The following CTNNA3 variants were observed in gnomAD, a reference collection of about 807,000 sequenced individuals.
CTNNA3 encodes catenin alpha 3.
Under a neutral mutation model 95.7 loss-of-function variants are expected in CTNNA3, and 76 were observed. That is an observed-to-expected ratio of 0.79 (90% confidence interval 0.66 to 0.96). CTNNA3 has a LOEUF of 0.96. Among genes scored for constraint, CTNNA3 ranks in the 40% least tolerant of loss-of-function variants. CTNNA3 has a pLI of 0.00. For missense variants in CTNNA3, 1,191 were observed against 1,089.8 expected (o/e 1.09, Z -1.31); for synonymous variants, 431 against 374.4 (o/e 1.15, Z -1.74).
At chr10:66,793,123 G>T (rs1288765274) in intron 7 of CTNNA3, among the ~76,000 whole-genome samples, 2 of 151,946 alleles carry the variant, frequency 1.3e-5, no homozygotes, top group Non-Finnish European at 2.9e-5. Context: ...GAGGTTTTGG[G>T]GGGAGTAGGT....
intron 7 of CTNNA3, among the ~76,000 whole-genome samples, chr10:66,943,210 AAG>A (rs1848105524): frequency 6.6e-6 from 1 of 152,234 alleles, no homozygotes; most frequent in Non-Finnish European, 1.5e-5. Context: ...GAAAAGCTAG[AAG>A]AGTTTCTAAA....
intron 9 of CTNNA3, among the ~76,000 whole-genome samples, chr10:66,633,964 T>G (rs2132353764): frequency 6.6e-6 from 1 of 152,238 alleles, no homozygotes. Flanking sequence ...CAATGACAAG[T>G]AAAACAGCAT....
chr10:67,133,579 A>C (rs1362896643), intron 7 of CTNNA3, among the ~76,000 whole-genome samples: 1 of 151,760 alleles, frequency 6.6e-6, no homozygotes, highest in Non-Finnish European at 1.5e-5. Flanking sequence ...CATAGAGAAA[A>C]AATGTAGTTA....
At chr10:67,146,003 G>A (rs949854576) in intron 7 of CTNNA3, among the ~76,000 whole-genome samples, 2 of 152,026 alleles carry the variant, frequency 1.3e-5, no homozygotes, top group African/African-American at 4.8e-5. Context: ...ATTGTTGTCA[G>A]GTGTTCCAAG....
intron 5 of CTNNA3, among the ~76,000 whole-genome samples, chr10:67,502,538 GA>G (rs1839266972): frequency 6.6e-6 from 1 of 152,202 alleles, no homozygotes; most frequent in Non-Finnish European, 1.5e-5. Context: ...CTGGCAGATG[GA>G]ATGTTTCAGT....
chr10:66,586,625 T>C (rs1375419188), intron 10 of CTNNA3, among the ~76,000 whole-genome samples: 2 of 152,076 alleles, frequency 1.3e-5, no homozygotes, highest in African/African-American at 4.8e-5. Flanking sequence ...AGAAAGTCTG[T>C]CTACAGATGC....
At chr10:67,010,284 T>G in intron 7 of CTNNA3, among the ~76,000 whole-genome samples, 1 of 152,234 alleles carries the variant, frequency 6.6e-6, no homozygotes. Context: ...ATATACCTCC[T>G]TCCCACATTA....
At chr10:66,577,481 C>A (rs1329582007) in intron 10 of CTNNA3, among the ~76,000 whole-genome samples, 5 of 151,860 alleles carry the variant, frequency 3.3e-5, no homozygotes, top group African/African-American at 7.3e-5. Context: ...AGTTTTTAAC[C>A]CATCTTGAGT....
intron 17 of CTNNA3, among the ~76,000 whole-genome samples, chr10:65,942,651 G>A (rs1056253901): frequency 1.3e-5 from 2 of 152,148 alleles, no homozygotes; most frequent in African/African-American, 4.8e-5. Flanking sequence ...GGAGAAGTGA[G>A]AAATGGGCTT....
At chr10:66,020,874 C>T (rs1011687797) in intron 15 of CTNNA3, among the ~76,000 whole-genome samples, 7 of 152,042 alleles carry the variant, frequency 4.6e-5, no homozygotes, top group East Asian at 3.9e-4. Context: ...GGGGTTTCAC[C>T]GTGTTAGCCA....
intron 1 of CTNNA3, among the ~76,000 whole-genome samples, chr10:67,735,019 A>G (rs560238635): frequency 6.6e-6 from 1 of 152,264 alleles, no homozygotes; most frequent in East Asian, 1.9e-4. Context: ...TTCAAGTAAC[A>G]TGTATCACTG....
At chr10:67,274,069 T>A (rs1407482168) in intron 5 of CTNNA3, among the ~76,000 whole-genome samples, 1 of 152,110 alleles carries the variant, frequency 6.6e-6, no homozygotes, top group Non-Finnish European at 1.5e-5. Flanking sequence ...AACAAAAACA[T>A]TGGAAAATAA....
intron 14 of CTNNA3, among the ~76,000 whole-genome samples, chr10:66,075,763 G>A (rs1023659900): frequency 6.6e-6 from 1 of 151,664 alleles, no homozygotes; most frequent in Non-Finnish European, 1.5e-5. Flanking sequence ...TGACTTAAAA[G>A]AACTCTCCAG....
chr10:66,337,509 G>A (rs2092410168), intron 12 of CTNNA3, among the ~76,000 whole-genome samples: 4 of 152,060 alleles, frequency 2.6e-5, no homozygotes, highest in Admixed American at 2.6e-4. Context: ...GGATGATCAG[G>A]ATGTTCCTCT....
chr10:66,858,709 G>A (rs1266735064), intron 7 of CTNNA3, among the ~76,000 whole-genome samples: 2 of 151,736 alleles, frequency 1.3e-5, no homozygotes, highest in Admixed American at 6.6e-5. Context: ...TGCAGTTTTT[G>A]TACTTCTGTG....
intron 7 of CTNNA3, among the ~76,000 whole-genome samples, chr10:66,820,368 T>C (rs1201695123): frequency 6.6e-6 from 1 of 152,020 alleles, no homozygotes; most frequent in Non-Finnish European, 1.5e-5. Context: ...AAGGGTTTTT[T>C]TTTGAGGTGA....
intron 11 of CTNNA3, among the ~76,000 whole-genome samples, chr10:66,515,648 G>A (rs1238538671): frequency 6.6e-6 from 1 of 152,198 alleles, no homozygotes; most frequent in South Asian, 2.1e-4. Context: ...CATGGCTAGG[G>A]AGGCCTCAGG....
At chr10:66,859,611 T>C (rs1005781436) in intron 7 of CTNNA3, among the ~76,000 whole-genome samples, 38 of 149,564 alleles carry the variant, frequency 2.5e-4, no homozygotes, top group African/African-American at 9.1e-4. Context: ...AGTGTGGAGA[T>C]TCCTCAGGGA....
chr10:67,190,582 G>A (rs1379556711), intron 6 of CTNNA3, among the ~76,000 whole-genome samples: 3 of 151,806 alleles, frequency 2.0e-5, no homozygotes, highest in Non-Finnish European at 2.9e-5. Context: ...TGGACCAAAC[G>A]TTTATTACTC....
Sources: allele counts gnomAD v4.1 joint callset (sites outside exome capture counted in the v4.1 genomes callset), GRCh38; gene constraint gnomAD v4.1.1; transcripts MANE v1.5; gene names NCBI Gene and HGNC (gene_info 2026-07-23, HGNC 2026-07-21).